The following IQCB1 variants were observed in gnomAD, a reference collection of about 807,000 sequenced individuals.
The protein encoded by IQCB1 is IQ calmodulin-binding motif-containing protein 1.
In IQCB1, 56 loss-of-function variants were observed where a neutral mutation model predicts 84.4. The observed-to-expected ratio is 0.66, with a 90% CI of 0.54 to 0.83. The LOEUF is 0.83. Among genes scored for constraint, IQCB1 ranks in the 40% least tolerant of loss-of-function variants. IQCB1 has a pLI of 0.00. For missense variants in IQCB1, 629 were observed against 682.1 expected, an observed-to-expected ratio of 0.92 and a Z score of 0.87; for synonymous variants, 210 against 234.8, an observed-to-expected ratio of 0.89 and a Z score of 0.96.
chr3:121,797,145 T>C lies in IQCB1; in HGVS notation c.849A>G (p.Pro283=). The C allele has an allele frequency of 1.2e-6, 2 of 1,604,068 alleles. No homozygotes were observed. Among genetic ancestry groups the C allele is most frequent in the African/African-American group, 1.3e-5 (1 of 74,790 alleles). Residue 283 remains proline, a synonymous_variant, in exon 9 of 15, where the codon CCA becomes CCG. Coordinates refer to ENST00000310864, the MANE Select transcript of IQCB1 (RefSeq NM_001023570.4). ...GCTCTTCTACTTCCTGATAGACCAT[T>C]GGGCTTAAAAGGCCAACAAGCTGTC... ...ELRQLVGLLS[P]MVYQEVEEQK... is the part of the protein sequence containing the mutation.
intron 12 of IQCB1, 120 bp from the exon 13 acceptor site, chr3:121,781,994 G>A: frequency 1.0e-6 from 1 of 980,764 alleles, no homozygotes; most frequent in Non-Finnish European, 1.6e-6. Context: ...GTGTGTATAA[G>A]GAGGGGAATG....
chr3:121,773,262 C>T (rs1169681621), intron 13 of IQCB1, among the ~76,000 whole-genome samples: 1 of 139,866 alleles, frequency 7.1e-6, no homozygotes, highest in African/African-American at 2.7e-5. Flanking sequence ...TGCAATGAGC[C>T]GAGATTGCGC....
intron 13 of IQCB1, among the ~76,000 whole-genome samples, chr3:121,776,206 T>G (rs1948220489): frequency 6.6e-6 from 1 of 152,150 alleles, no homozygotes. Flanking sequence ...ATTATGGGCG[T>G]GAGTCACCAT....
chr3:121,808,181 A>G (rs1448192240), intron 6 of IQCB1, among the ~76,000 whole-genome samples: 1 of 151,952 alleles, frequency 6.6e-6, no homozygotes, highest in East Asian at 1.9e-4. Context: ...AAAATGGGAA[A>G]TGGAGTGGGC....
At chr3:121,805,651 C>A (rs764883646) in intron 7 of IQCB1, among the ~76,000 whole-genome samples, 12 of 152,112 alleles carry the variant, frequency 7.9e-5, no homozygotes, top group Non-Finnish European at 1.6e-4. Flanking sequence ...TACCCAATGA[C>A]GCACTGTTTA....
At chr3:121,831,672 T>C (rs1950645653) in intron 2 of IQCB1, among the ~76,000 whole-genome samples, 1 of 152,228 alleles carries the variant, frequency 6.6e-6, no homozygotes, top group Non-Finnish European at 1.5e-5. Flanking sequence ...CAGAATTGAT[T>C]GCTTGCTTGT....
chr3:121,792,676 A>T (rs1949040487), intron 10 of IQCB1, among the ~76,000 whole-genome samples: 1 of 151,732 alleles, frequency 6.6e-6, no homozygotes, highest in African/African-American at 2.4e-5. Flanking sequence ...AAAAAAAAAA[A>T]AAAAAAAGTG....
At chr3:121,828,995 A>C (rs767922575) in intron 2 of IQCB1, 23 bp from the exon 3 acceptor site, 1 of 1,290,514 alleles carries the variant, frequency 7.7e-7, no homozygotes, top group South Asian at 1.2e-5. Context: ...AGAATCAGAG[A>C]ATAAAGGTCA....
chr3:121,796,828 C>T (rs1021035091), intron 9 of IQCB1, among the ~76,000 whole-genome samples: 2 of 151,952 alleles, frequency 1.3e-5, no homozygotes, highest in Non-Finnish European at 2.9e-5. Context: ...GATTGAATGG[C>T]GGAGAGATAC....
Position 121,834,947 on chromosome 3 carries a change from A to T in IQCB1, c.-102+19T>A, listed in dbSNP as rs1464334840. On this transcript the variant is annotated intron_variant, in intron 1 of 14. Coordinates refer to ENST00000310864, the MANE Select transcript of IQCB1 (RefSeq NM_001023570.4). ...CCTGGGGCCCTCTCCCTCCCCAGCCACCACCTCAGATAAGTTACCTCATCC... is the reference window on the plus strand; with the variant it reads ...CCTGGGGCCCTCTCCCTCCCCAGCCTCCACCTCAGATAAGTTACCTCATCC... The T allele has an allele frequency of 5.4e-6, 2 of 372,932 alleles. No homozygotes were observed. Among genetic ancestry groups the T allele is most frequent in the East Asian group, 1.2e-4 (2 of 16,328 alleles). 23.1% of individuals were successfully genotyped at this position (372,932 alleles called of 1,614,324 possible).
chr3:121,807,494 C>G (rs1576587865), intron 6 of IQCB1, 51 bp from the exon 7 acceptor site: 1 of 960,716 alleles, frequency 1.0e-6, no homozygotes, highest in Admixed American at 1.7e-5. Context: ...TTTATGATAA[C>G]AAAGGAAGAT....
intron 5 of IQCB1, among the ~76,000 whole-genome samples, chr3:121,809,694 C>A (rs1949750584): frequency 6.6e-6 from 1 of 151,884 alleles, no homozygotes. Context: ...TAGAGTGCCA[C>A]AAGGAGAAAT....
chr3:121,778,816 G>C (rs955671219), intron 13 of IQCB1, among the ~76,000 whole-genome samples: 5 of 150,386 alleles, frequency 3.3e-5, no homozygotes, highest in African/African-American at 1.2e-4. Flanking sequence ...TGAGGCAGGA[G>C]AATCACTTGA....
chr3:121,834,916 A>G lies in IQCB1; in HGVS notation c.-102+50T>C, dbSNP rs535465521. 20 of 319,746 alleles carry G rather than the reference A, an allele frequency of 6.3e-5. No homozygotes were observed. In the East Asian group the frequency reaches 1.5e-3, roughly 24 times the overall value. 19.8% of individuals were successfully genotyped at this position (319,746 alleles called of 1,614,324 possible). A position where few individuals can be genotyped will look rare whatever the true frequency, so the allele number is the denominator to read the frequency against. Reference sequence around the variant, plus strand: ...GAGCCTGGGGTCCTGGCCTCCTGGTAGGCGCCCTGGGGCCCTCTCCCTCCC... The same window carrying G: ...GAGCCTGGGGTCCTGGCCTCCTGGTGGGCGCCCTGGGGCCCTCTCCCTCCC... On this transcript the variant is annotated intron_variant, in intron 1 of 14. Transcript: ENST00000310864.
intron 7 of IQCB1, among the ~76,000 whole-genome samples, chr3:121,803,253 G>A (rs1463061558): frequency 6.6e-6 from 1 of 151,948 alleles, no homozygotes; most frequent in Non-Finnish European, 1.5e-5. Flanking sequence ...ATGGGGTTTT[G>A]CCATGCTGCC....
intron 12 of IQCB1, among the ~76,000 whole-genome samples, chr3:121,785,316 G>C (rs950013579): frequency 6.6e-6 from 1 of 151,180 alleles, no homozygotes; most frequent in Non-Finnish European, 1.5e-5. Context: ...GCAGTGGTGT[G>C]ATCACAGCTC....
chr3:121,828,107 A>G (rs1298494034), intron 4 of IQCB1, among the ~76,000 whole-genome samples: 1 of 152,124 alleles, frequency 6.6e-6, no homozygotes, highest in African/African-American at 2.4e-5. Flanking sequence ...TTTGTATCAT[A>G]TACTTACATG....
In IQCB1 at chr3:121,799,209, A is replaced by G. The variant is rs1949313713; in HGVS notation, c.753T>C (p.Ser251=). Residue 251 remains serine (S), a synonymous_variant, in exon 8 of 15, where the codon AGT becomes AGC. Coordinates refer to ENST00000310864, the MANE Select transcript of IQCB1 (RefSeq NM_001023570.4). ...TGAATGTACTACCTTTGTAGCAGGTACTTTGTCTCAGTAAAATCAAAATTT... is the reference window on the plus strand; with the variant it reads ...TGAATGTACTACCTTTGTAGCAGGTGCTTTGTCTCAGTAAAATCAAAATTT... ...HQEILILLRQ[S]TCYKGLRRLL... 1 of 1,607,830 alleles carries G rather than the reference A, an allele frequency of 6.2e-7. No homozygotes were observed. The highest frequency in any genetic ancestry group is 1.3e-5 in the African/African-American group (1 of 74,706).
chr3:121,807,113 T>A (rs1359527967), intron 7 of IQCB1, among the ~76,000 whole-genome samples: 1 of 147,678 alleles, frequency 6.8e-6, no homozygotes, highest in South Asian at 2.2e-4. Context: ...TCCAGTCTTT[T>A]GTAGTATTTT....
Sources: allele counts gnomAD v4.1 joint callset (sites outside exome capture counted in the v4.1 genomes callset), GRCh38; gene constraint gnomAD v4.1.1; transcripts MANE v1.5; gene names NCBI Gene and HGNC (gene_info 2026-07-23, HGNC 2026-07-21).